SLC16A12: variants seen among roughly 807,000 people sequenced by gnomAD.
SLC16A12 encodes the protein solute carrier family 16 member 12, also known as monocarboxylate transporter 12.
SLC16A12 carries 17 observed loss-of-function variants against 42.4 expected under a neutral mutation model. That is an observed-to-expected ratio of 0.40 (90% CI 0.27 to 0.60). The LOEUF (loss-of-function observed/expected upper bound fraction) is 0.60. Ranked by LOEUF, SLC16A12 falls within the 20% of genes least tolerant of loss-of-function variation. The pLI is 0.42. For synonymous variants in SLC16A12, 224 were observed against 229.4 expected, an observed-to-expected ratio of 0.98 and a Z score of 0.21; for missense variants, 544 against 623.0, an observed-to-expected ratio of 0.87 and a Z score of 1.35.
intron 3 of SLC16A12, among the ~76,000 whole-genome samples, chr10:89,459,981 G>A (rs1295835474): frequency 6.6e-6 from 1 of 152,158 alleles, no homozygotes; most frequent in Non-Finnish European, 1.5e-5. Flanking sequence ...CAATCTTTCT[G>A]AGCATCAGTG....
intron 6 of SLC16A12, 37 bp from the exon 7 acceptor site, chr10:89,436,356 A>C (rs1437623127): frequency 1.2e-6 from 2 of 1,613,392 alleles, no homozygotes; most frequent in South Asian, 1.1e-5. Flanking sequence ...TGCAGGAGGT[A>C]CACATTCTGT....
At chr10:89,454,566 C>T (rs900123379) in intron 3 of SLC16A12, among the ~76,000 whole-genome samples, 9 of 151,946 alleles carry the variant, frequency 5.9e-5, no homozygotes, top group African/African-American at 1.9e-4. Flanking sequence ...CTGTTGGGCT[C>T]TTCACTTCAG....
At chr10:89,468,722 C>T (rs914431167) in intron 2 of SLC16A12, among the ~76,000 whole-genome samples, 3 of 152,188 alleles carry the variant, frequency 2.0e-5, no homozygotes, top group African/African-American at 7.2e-5. Context: ...AACCTTGTTT[C>T]CTGGAGACTT....
At chr10:89,481,664 T>TGTGTGAGA (rs559651910) in intron 2 of SLC16A12, among the ~76,000 whole-genome samples, 38 of 139,638 alleles carry the variant, frequency 2.7e-4, no homozygotes, top group East Asian at 1.8e-3. Context: ...TGTGTGTGTG[T>TGTGTGAGA]GAGAGAGAGA....
intron 2 of SLC16A12, among the ~76,000 whole-genome samples, chr10:89,531,206 A>C (rs1452296318): frequency 1.3e-5 from 2 of 151,798 alleles, no homozygotes; most frequent in East Asian, 3.9e-4. Context: ...CCTTGCCAAC[A>C]TGGTGATATC....
chr10:89,553,077 C>A (rs1843781169), intron 2 of SLC16A12, among the ~76,000 whole-genome samples: 1 of 152,176 alleles, frequency 6.6e-6, no homozygotes, highest in Non-Finnish European at 1.5e-5. Flanking sequence ...GAAACCCCGT[C>A]TCTACTCCTT....
intron 2 of SLC16A12, among the ~76,000 whole-genome samples, chr10:89,521,547 C>T (rs950147031): frequency 1.3e-5 from 2 of 152,224 alleles, no homozygotes; most frequent in African/African-American, 4.8e-5. Flanking sequence ...GAGGACACCA[C>T]ACTGAGTCCT....
chr10:89,462,453 A>C lies in SLC16A12; in HGVS notation c.126T>G (p.Pro42=). Residue 42 remains proline, a synonymous_variant, in exon 3 of 8, where the codon CCT becomes CCG. Transcript: ENST00000371790. Reference sequence around the variant, plus strand: ...TCATCCAGCCCCAGCCTCCATCTGGAGGGGAGGTAGACCGAGCTCTATTTA... The same window carrying C: ...TCATCCAGCCCCAGCCTCCATCTGGCGGGGAGGTAGACCGAGCTCTATTTA... ...AKVNRARSTS[P]PDGGWGWMIV... 1 of 1,614,036 alleles carries C rather than the reference A, an allele frequency of 6.2e-7. No homozygotes were observed. The highest frequency in any genetic ancestry group is 8.5e-7 in the Non-Finnish European group (1 of 1,179,954).
At chr10:89,551,137 G>A (rs974369433) in intron 2 of SLC16A12, among the ~76,000 whole-genome samples, 2 of 152,108 alleles carry the variant, frequency 1.3e-5, no homozygotes, top group Non-Finnish European at 2.9e-5. Flanking sequence ...ACTGGTGACC[G>A]GTGATCAAAA....
chr10:89,520,967 T>C (rs1032663545), intron 2 of SLC16A12, among the ~76,000 whole-genome samples: 2 of 152,210 alleles, frequency 1.3e-5, no homozygotes, highest in African/African-American at 4.8e-5. Flanking sequence ...AGTATTCTTG[T>C]TATTGTCATT....
chr10:89,450,627 G>A (rs956071527), intron 3 of SLC16A12, among the ~76,000 whole-genome samples: 4 of 152,146 alleles, frequency 2.6e-5, no homozygotes, highest in African/African-American at 9.7e-5. Context: ...GGATGGGGGA[G>A]GGACAGCATT....
At chr10:89,549,457 T>C (rs1247242831) in intron 2 of SLC16A12, among the ~76,000 whole-genome samples, 2 of 152,248 alleles carry the variant, frequency 1.3e-5, no homozygotes, top group African/African-American at 4.8e-5. Context: ...GAAATTACAA[T>C]TCATCCTAAC....
chr10:89,478,450 T>A (rs1842614624), intron 2 of SLC16A12, among the ~76,000 whole-genome samples: 1 of 152,226 alleles, frequency 6.6e-6, no homozygotes, highest in African/African-American at 2.4e-5. Context: ...ACCAGTGTGA[T>A]CCGTAAGCTT....
At chr10:89,532,674 AC>A (rs1843574762) in intron 2 of SLC16A12, among the ~76,000 whole-genome samples, 1 of 152,222 alleles carries the variant, frequency 6.6e-6, no homozygotes, top group African/African-American at 2.4e-5. Flanking sequence ...TTGGCTGTAT[AC>A]GACTGAAAAA....
At chr10:89,471,663 TC>T (rs1219719997) in intron 2 of SLC16A12, among the ~76,000 whole-genome samples, 3 of 152,192 alleles carry the variant, frequency 2.0e-5, no homozygotes, top group Non-Finnish European at 4.4e-5. Flanking sequence ...AAGAAATTGC[TC>T]AATCATAGGG....
chr10:89,468,042 T>C (rs1312749918), intron 2 of SLC16A12: 2 of 152,238 alleles, frequency 1.3e-5, no homozygotes, highest in Non-Finnish European at 2.9e-5. Flanking sequence ...ATCTTCTGTT[T>C]GGCATTTCCA....
At chr10:89,495,567 TA>T (rs1189942427) in intron 2 of SLC16A12, among the ~76,000 whole-genome samples, 9 of 152,218 alleles carry the variant, frequency 5.9e-5, no homozygotes, top group African/African-American at 1.7e-4. Flanking sequence ...TATCCCAAGT[TA>T]AAATGCATTT....
chr10:89,488,543 A>G (rs1022108806), intron 2 of SLC16A12, among the ~76,000 whole-genome samples: 3 of 152,190 alleles, frequency 2.0e-5, no homozygotes, highest in African/African-American at 7.2e-5. Context: ...TTGATAGGCT[A>G]TGGGAGAGGT....
intron 2 of SLC16A12, among the ~76,000 whole-genome samples, chr10:89,502,685 A>T (rs1843005894): frequency 6.6e-6 from 1 of 152,208 alleles, no homozygotes; most frequent in African/African-American, 2.4e-5. Flanking sequence ...TTGGCTGCAC[A>T]TGTGTCGGAC....
Sources: allele counts gnomAD v4.1 joint callset (sites outside exome capture counted in the v4.1 genomes callset), GRCh38; gene constraint gnomAD v4.1.1; transcripts MANE v1.5; gene names NCBI Gene and HGNC (gene_info 2026-07-23, HGNC 2026-07-21).